The following CNTNAP5 variants were observed in gnomAD, a reference collection of about 807,000 sequenced individuals.
The protein encoded by CNTNAP5 is contactin-associated protein-like 5.
Under a neutral mutation model 150.2 loss-of-function variants are expected in CNTNAP5, and 72 were observed. The ratio of observed to expected loss-of-function variants is 0.48; its 90% CI spans 0.40 to 0.58. The LOEUF (loss-of-function observed/expected upper bound fraction) is 0.58. Among genes scored for constraint, CNTNAP5 ranks in the 20% least tolerant of loss-of-function variants. The pLI is 0.00. For synonymous variants in CNTNAP5, 672 were observed against 619.8 expected, an observed-to-expected ratio of 1.08 and a Z score of -1.25; for missense variants, 1,636 against 1,626.2, an observed-to-expected ratio of 1.01 and a Z score of -0.10.
chr2:124,182,936 C>T (rs990604378), intron 1 of CNTNAP5, among the ~76,000 whole-genome samples: 12 of 152,136 alleles, frequency 7.9e-5, no homozygotes, highest in African/African-American at 2.9e-4. Flanking sequence ...CCTTCCTTAC[C>T]AAGGAGCCTC....
intron 1 of CNTNAP5, among the ~76,000 whole-genome samples, chr2:124,193,089 T>G (rs192606266): frequency 6.6e-6 from 1 of 152,326 alleles, no homozygotes; most frequent in African/African-American, 2.4e-5. Context: ...GGTCATCACA[T>G]AACATTCTTC....
chr2:124,869,752 C>T lies in CNTNAP5; in HGVS notation c.3426C>T (p.Gly1142=). 1 of 1,601,846 alleles carries T rather than the reference C, an allele frequency of 6.2e-7. No individual in the cohort carries two copies. The highest frequency in any genetic ancestry group is 8.6e-7 in the Non-Finnish European group (1 of 1,169,556). ...EFRVIRSLTL[G]KVTENLGLDS... ...GGGTTATAAGGTCACTCACCTTGGGCAAAGTCACAGGTATGTTGTTCTAGT... is the reference window on the plus strand; with the variant it reads ...GGGTTATAAGGTCACTCACCTTGGGTAAAGTCACAGGTATGTTGTTCTAGT... The change falls in exon 21 of 24, where the codon GGC becomes GGT. Residue 1142 remains glycine, a synonymous_variant. Coordinates refer to ENST00000682447, the MANE Select transcript of CNTNAP5 (RefSeq NM_001367498.1).
At chr2:124,311,255 G>C (rs1462852654) in intron 3 of CNTNAP5, among the ~76,000 whole-genome samples, 1 of 152,076 alleles carries the variant, frequency 6.6e-6, no homozygotes, top group Admixed American at 6.6e-5. Flanking sequence ...TTAAACAATA[G>C]AAATTTATAT....
intron 1 of CNTNAP5, among the ~76,000 whole-genome samples, chr2:124,047,514 A>G (rs1681570619): frequency 6.6e-6 from 1 of 152,226 alleles, no homozygotes; most frequent in Admixed American, 6.5e-5. Flanking sequence ...GTATAATCAT[A>G]TTGGAATTCA....
In CNTNAP5 at chr2:124,133,300, A is replaced by C. The variant is rs187772770; in HGVS notation, c.83-88405A>C. ...CTTCCAAGGCCCTTTGGTCCTTAAA[A>C]AAAACAAAACAAAAAAAAAGGTCTA... On this transcript the variant is annotated intron_variant, in intron 1 of 23. Coordinates refer to ENST00000682447, the MANE Select transcript of CNTNAP5 (RefSeq NM_001367498.1). Among the ~76,000 whole-genome samples, 408 of 152,224 alleles carry C rather than the reference A, an allele frequency of 2.7e-3. 3 individuals carry two copies. Among genetic ancestry groups the C allele is most frequent in the Non-Finnish European group, 4.1e-3 (278 of 68,022 alleles).
chr2:124,728,292 C>G (rs1479411871), intron 13 of CNTNAP5, among the ~76,000 whole-genome samples: 1 of 151,992 alleles, frequency 6.6e-6, no homozygotes. Flanking sequence ...CAATGCTGGC[C>G]TTTTAAAATG....
chr2:124,737,698 G>A (rs891844488), intron 13 of CNTNAP5, among the ~76,000 whole-genome samples: 1 of 152,146 alleles, frequency 6.6e-6, no homozygotes, highest in African/African-American at 2.4e-5. Context: ...AATAACTTTT[G>A]GAGGATGGAA....
chr2:124,160,981 A>G (rs186621580), intron 1 of CNTNAP5, among the ~76,000 whole-genome samples: 2 of 152,178 alleles, frequency 1.3e-5, no homozygotes, highest in Admixed American at 1.3e-4. Flanking sequence ...TAAACCATCT[A>G]TAATGCAATT....
At chr2:124,766,290 A>G (rs116489254) in intron 16 of CNTNAP5, among the ~76,000 whole-genome samples, 2 of 151,880 alleles carry the variant, frequency 1.3e-5, no homozygotes, top group Non-Finnish European at 1.5e-5. Context: ...CTGTAGTTTG[A>G]TTGAGGCAAT....
chr2:124,846,632 G>T (rs1011609285), intron 19 of CNTNAP5, among the ~76,000 whole-genome samples: 1 of 152,024 alleles, frequency 6.6e-6, no homozygotes, highest in African/African-American at 2.4e-5. Flanking sequence ...ATCTTTTGGG[G>T]GTGTTAAAGA....
At chr2:124,319,736 A>C (rs569225009) in intron 3 of CNTNAP5, among the ~76,000 whole-genome samples, 2 of 152,240 alleles carry the variant, frequency 1.3e-5, no homozygotes, top group East Asian at 3.9e-4. Flanking sequence ...GCCTCTACCC[A>C]CTAGATGCCA....
chr2:124,794,461 A>G (rs988918321), intron 18 of CNTNAP5, among the ~76,000 whole-genome samples: 2 of 152,216 alleles, frequency 1.3e-5, no homozygotes, highest in Admixed American at 6.5e-5. Flanking sequence ...GAAATTTTTC[A>G]TTATCTAAAA....
intron 3 of CNTNAP5, among the ~76,000 whole-genome samples, chr2:124,355,592 T>C (rs1689977945): frequency 6.6e-6 from 1 of 152,138 alleles, no homozygotes; most frequent in Non-Finnish European, 1.5e-5. Context: ...TTTACTTCAT[T>C]TTGCAGGTGA....
At position 124,681,369 on chromosome 2, in the gene CNTNAP5, A is replaced by G. The variant is rs572034222; in HGVS notation, c.2077+33411A>G. Reference sequence around the variant, plus strand: ...CATGGGGGCATATATTATACAGATAATATCTTGTAACAACTCTTTTATCAG... The same window carrying G: ...CATGGGGGCATATATTATACAGATAGTATCTTGTAACAACTCTTTTATCAG... On this transcript the variant is annotated intron_variant, in intron 13 of 23. Transcript: ENST00000682447. Among the ~76,000 whole-genome samples, 3 of 151,508 alleles carry G rather than the reference A, an allele frequency of 2.0e-5. No homozygotes were observed. In the South Asian group the frequency reaches 6.3e-4, roughly 32 times the overall value.
chr2:124,531,627 A>T (rs752769867), intron 10 of CNTNAP5, among the ~76,000 whole-genome samples: 14 of 152,146 alleles, frequency 9.2e-5, no homozygotes, highest in Non-Finnish European at 1.8e-4. Context: ...TAAAAGGGGA[A>T]AGCTAAGACC....
At chr2:124,770,715 G>A (rs1193344179) in intron 16 of CNTNAP5, among the ~76,000 whole-genome samples, 2 of 152,078 alleles carry the variant, frequency 1.3e-5, no homozygotes, top group Non-Finnish European at 2.9e-5. Context: ...CTTCAATTCT[G>A]TTTCCTTTAA....
At chr2:124,464,219 A>G (rs567942385) in intron 6 of CNTNAP5, among the ~76,000 whole-genome samples, 3 of 152,218 alleles carry the variant, frequency 2.0e-5, no homozygotes, top group African/African-American at 4.8e-5. Context: ...GGATGTCAGG[A>G]CATGGATGAA....
chr2:124,126,406 C>G (rs1683701734), intron 1 of CNTNAP5, among the ~76,000 whole-genome samples: 1 of 121,618 alleles, frequency 8.2e-6, no homozygotes, highest in African/African-American at 3.1e-5. Context: ...TGAAATTGAG[C>G]CAATAATTAA....
At chr2:124,348,734 A>T (rs1045916294) in intron 3 of CNTNAP5, among the ~76,000 whole-genome samples, 1 of 152,140 alleles carries the variant, frequency 6.6e-6, no homozygotes, top group Middle Eastern at 3.2e-3. Context: ...TATTGTATTT[A>T]ACATATTTGT....
Sources: gnomAD v4.1 joint callset for allele counts (sites outside exome capture counted in the v4.1 genomes callset) on GRCh38, gnomAD v4.1.1 for gene constraint, MANE v1.5 for transcripts, NCBI Gene and HGNC (gene_info 2026-07-23, HGNC 2026-07-21) for gene names.